NPAS3: variants seen among roughly 807,000 people sequenced by gnomAD.
NPAS3 encodes the protein neuronal PAS domain protein 3.
NPAS3 carries 14 observed loss-of-function variants against 73.1 expected under a neutral mutation model. That is an observed-to-expected ratio of 0.19 (90% CI 0.13 to 0.30). The LOEUF (loss-of-function observed/expected upper bound fraction) is 0.30, where lower values mean the gene tolerates loss of function less well. Ranked by LOEUF, NPAS3 falls within the 10% of genes least tolerant of loss-of-function variation. The pLI is 1.00. For missense variants in NPAS3, 1,096 were observed against 1,250.0 expected (o/e 0.88, Z 1.86); for synonymous variants, 620 against 541.5 (o/e 1.14, Z -2.01).
At chr14:33,618,371 C>T in intron 5 of NPAS3, among the ~76,000 whole-genome samples, 1 of 152,090 alleles carries the variant, frequency 6.6e-6, no homozygotes, top group East Asian at 1.9e-4. Context: ...TTTCTTGTAA[C>T]TAGATGGTCC....
In NPAS3 at chr14:33,399,598, A is replaced by G. The variant is rs530672946; in HGVS notation, c.468+32330A>G. 1.9e-3 allele frequency among the ~76,000 whole-genome samples: 292 copies of G among 151,934 alleles called. 1 individual carries two copies. The highest frequency in any genetic ancestry group is 2.6e-3 in the Non-Finnish European group (176 of 67,958). On this transcript the variant is annotated intron_variant, in intron 4 of 11. Transcript: ENST00000356141. The stretch of plus-strand genomic sequence containing the variant: ...TAAACATTACAGAGATCAACAATTC[A>G]TTTACTAAGTCCTTTCTACAATATT...
At chr14:32,938,485 T>TAGACAGAGAGAG (rs1491191135), upstream of NPAS3, among the ~76,000 whole-genome samples, 9 of 21,742 alleles carry the variant, frequency 4.1e-4, no homozygotes, top group Non-Finnish European at 6.9e-4. Flanking sequence ...GAGAGAGAAA[T>TAGACAGAGAGAG]TGAGAGAGAG....
chr14:33,555,889 GGTGTGTCTGTGT>G (rs1460813730), intron 4 of NPAS3, among the ~76,000 whole-genome samples: 14 of 148,484 alleles, frequency 9.4e-5, no homozygotes, highest in African/African-American at 3.5e-4. Flanking sequence ...AATTGTTGTT[GGTGTGTCTGTGT>G]GTGTGTGTGT....
chr14:33,190,765 CT>C (rs779940835), intron 2 of NPAS3, among the ~76,000 whole-genome samples: 1 of 152,180 alleles, frequency 6.6e-6, no homozygotes, highest in Admixed American at 6.5e-5. Context: ...GGCGCTCCCC[CT>C]ACTCACTGCC....
At chr14:33,777,525 A>C (rs2062857355) in intron 8 of NPAS3, among the ~76,000 whole-genome samples, 1 of 152,006 alleles carries the variant, frequency 6.6e-6, no homozygotes, top group Non-Finnish European at 1.5e-5. Flanking sequence ...CTAAAGATTT[A>C]CTTCATATTT....
At chr14:33,512,942 C>A (rs2053127880) in intron 4 of NPAS3, among the ~76,000 whole-genome samples, 1 of 151,960 alleles carries the variant, frequency 6.6e-6, no homozygotes, top group African/African-American at 2.4e-5. Context: ...AAGGTAGGTT[C>A]TTATGAAAAG....
chr14:33,326,485 A>G (rs1316027167), intron 3 of NPAS3, among the ~76,000 whole-genome samples: 1 of 152,202 alleles, frequency 6.6e-6, no homozygotes, highest in Admixed American at 6.6e-5. Flanking sequence ...TATCTGAGAA[A>G]TGGGGACCAA....
chr14:33,676,762 TAGCTCGTGGAGAATTAAA>T (rs1271078131), intron 6 of NPAS3, among the ~76,000 whole-genome samples: 1 of 152,248 alleles, frequency 6.6e-6, no homozygotes, highest in African/African-American at 2.4e-5. Flanking sequence ...TTCCAAATAG[TAGCTCGTGGAGAATTAAA>T]AGTATCAGGG....
chr14:33,386,211 C>T (rs565918709), intron 4 of NPAS3, among the ~76,000 whole-genome samples: 1 of 152,042 alleles, frequency 6.6e-6, no homozygotes, highest in Admixed American at 6.5e-5. Context: ...TTAATAGGGA[C>T]AATAAACTGT....
At chr14:33,091,063 C>T (rs911133797) in intron 2 of NPAS3, among the ~76,000 whole-genome samples, 3 of 152,170 alleles carry the variant, frequency 2.0e-5, no homozygotes, top group Non-Finnish European at 4.4e-5. Flanking sequence ...GACACACTAA[C>T]ATCACAATTA....
intron 4 of NPAS3, among the ~76,000 whole-genome samples, chr14:33,481,797 A>C (rs1442812058): frequency 6.6e-6 from 1 of 152,090 alleles, no homozygotes; most frequent in Non-Finnish European, 1.5e-5. Flanking sequence ...AAAATAAAAA[A>C]AAATAGGAGG....
intron 4 of NPAS3, among the ~76,000 whole-genome samples, chr14:33,484,747 C>T (rs946422334): frequency 1.8e-4 from 27 of 152,124 alleles, no homozygotes; most frequent in African/African-American, 6.3e-4. Flanking sequence ...AAAAGATTCT[C>T]GTGCCAGAGA....
intron 3 of NPAS3, among the ~76,000 whole-genome samples, chr14:33,343,264 T>C (rs2140317693): frequency 6.6e-6 from 1 of 152,296 alleles, no homozygotes; most frequent in South Asian, 2.1e-4. Flanking sequence ...TCAGGGTTTG[T>C]TTTGTGAGCA....
At chr14:33,551,853 A>C (rs2055132416) in intron 4 of NPAS3, among the ~76,000 whole-genome samples, 1 of 152,092 alleles carries the variant, frequency 6.6e-6, no homozygotes, top group African/African-American at 2.4e-5. Context: ...CAAATCGAGC[A>C]CTCCACGCGT....
chr14:33,153,067 T>G (rs968707579), intron 2 of NPAS3, among the ~76,000 whole-genome samples: 14 of 152,230 alleles, frequency 9.2e-5, no homozygotes, highest in Admixed American at 9.2e-4. Flanking sequence ...TTTAAAACCT[T>G]TTTTTGTTCT....
intron 4 of NPAS3, among the ~76,000 whole-genome samples, chr14:33,488,897 T>G (rs896603450): frequency 6.6e-6 from 1 of 152,218 alleles, no homozygotes; most frequent in Admixed American, 6.5e-5. Context: ...CACCAGCATG[T>G]GCAGGAAGTG....
chr14:33,712,877 G>A (rs571551023), intron 6 of NPAS3, among the ~76,000 whole-genome samples: 41 of 152,254 alleles, frequency 2.7e-4, no homozygotes, highest in African/African-American at 9.6e-4. Flanking sequence ...CGAAAGCTAG[G>A]CTCTTTACTG....
At chr14:32,947,792 T>C (rs1368407782) in intron 1 of NPAS3, among the ~76,000 whole-genome samples, 2 of 152,112 alleles carry the variant, frequency 1.3e-5, no homozygotes, top group African/African-American at 4.8e-5. Context: ...CAAAGTAGGC[T>C]CATCATTTTT....
chr14:33,559,690 T>C (rs2055539583), intron 4 of NPAS3, among the ~76,000 whole-genome samples: 1 of 152,330 alleles, frequency 6.6e-6, no homozygotes, highest in African/African-American at 2.4e-5. Context: ...TAAAAGATCT[T>C]AGGACTTTCG....
Sources: gnomAD v4.1 joint callset for allele counts (sites outside exome capture counted in the v4.1 genomes callset) on GRCh38, gnomAD v4.1.1 for gene constraint, MANE v1.5 for transcripts, NCBI Gene and HGNC (gene_info 2026-07-23, HGNC 2026-07-21) for gene names.